The following CEP164 variants were observed in gnomAD, a reference collection of about 807,000 sequenced individuals.
The protein encoded by CEP164 is centrosomal protein 164, also known as centrosomal protein of 164 kDa.
A neutral mutation model predicts 182.7 loss-of-function variants in CEP164; 162 were observed. The observed-to-expected ratio is 0.89, with a 90% confidence interval of 0.78 to 1.01. The LOEUF (loss-of-function observed/expected upper bound fraction) is 1.01. Ranked by LOEUF, CEP164 falls within the 50% of genes least tolerant of loss-of-function variation. The pLI is 0.00. For missense variants in CEP164, 1,735 were observed against 1,790.4 expected, an observed-to-expected ratio of 0.97 and a Z score of 0.56; for synonymous variants, 661 against 690.0, an observed-to-expected ratio of 0.96 and a Z score of 0.66.
intron 10 of CEP164, among the ~76,000 whole-genome samples, chr11:117,375,335 G>A (rs1373912870): frequency 6.6e-6 from 1 of 152,198 alleles, no homozygotes; most frequent in Non-Finnish European, 1.5e-5. Flanking sequence ...CGAGTTATAT[G>A]TGCTCTCCAA....
At chr11:117,327,209 C>T (rs1591905162), upstream of CEP164, among the ~76,000 whole-genome samples, 2 of 152,160 alleles carry the variant, frequency 1.3e-5, no homozygotes, top group Admixed American at 6.6e-5. Context: ...AATAGGAGCA[C>T]AGGAGAGCCA....
intron 8 of CEP164, among the ~76,000 whole-genome samples, chr11:117,369,146 G>A (rs556468475): frequency 6.6e-6 from 1 of 152,342 alleles, no homozygotes; most frequent in Admixed American, 6.5e-5. Flanking sequence ...TTGGCACATA[G>A]AATGTGCTCA....
In CEP164 at chr11:117,409,783, A is replaced by AC; in HGVS notation, c.3917dup (p.Lys1307Ter). On this transcript the variant is annotated frameshift_variant, in exon 30 of 33. Coordinates refer to ENST00000278935, the MANE Select transcript of CEP164 (RefSeq NM_014956.5). LOFTEE classifies it high-confidence loss of function. The surrounding 1 kb of genome is among the most constrained non-coding windows in gnomAD (Gnocchi z 4.4). ...ATGCCAGCCCAGCTCCCTCCCCGGG[A>AC]CCCTAAGAGCACCCCCACCCCCACC... 6.2e-7 allele frequency: 1 copy of AC among 1,609,414 alleles called. No individual in the cohort carries two copies. The highest frequency in any genetic ancestry group is 8.5e-7 in the Non-Finnish European group (1 of 1,178,332).
At chr11:117,336,797 T>G (rs977507988) in intron 2 of CEP164, among the ~76,000 whole-genome samples, 3 of 151,270 alleles carry the variant, frequency 2.0e-5, no homozygotes, top group Non-Finnish European at 4.4e-5. Flanking sequence ...ACTGGAGAGG[T>G]CAGGACTTGT....
chr11:117,371,093 C>G lies in CEP164; in HGVS notation c.779C>G (p.Thr260Arg). The stretch of plus-strand genomic sequence containing the variant: ...GTTGCTCCCTAGGAGTCTCTGAGAA[C>G]AAGCCAGCCAGAGGAGAAGAAGGAT... ...GDFEYEESLR[T>R]SQPEEKKDVS... Residue 260 changes from threonine (T) to arginine (R), a missense_variant, in exon 9 of 33, where the codon ACA becomes AGA. Coordinates refer to ENST00000278935, the MANE Select transcript of CEP164 (RefSeq NM_014956.5). The G allele has an allele frequency of 6.3e-7, 1 of 1,595,410 alleles. No homozygotes were observed. The highest frequency in any genetic ancestry group is 8.6e-7 in the Non-Finnish European group (1 of 1,168,980).
At chr11:117,367,092 G>C (rs1296512575) in intron 8 of CEP164, among the ~76,000 whole-genome samples, 1 of 152,202 alleles carries the variant, frequency 6.6e-6, no homozygotes, top group Non-Finnish European at 1.5e-5. Flanking sequence ...ATTTCCCACA[G>C]AGCCCAGGGC....
chr11:117,407,798 C>T, intron 27 of CEP164, 127 bp from the exon 28 acceptor site: 1 of 618,240 alleles, frequency 1.6e-6, no homozygotes, highest in Non-Finnish European at 2.9e-6. Context: ...AGTCATAGTT[C>T]TCTGTTCCAG....
rs569367999 is a variant in CEP164, at chr11:117,397,320, A to G, written c.3501+7A>G. ...GCGCAAGAACCTGGAGAAGGTCAGG[A>G]GCTTTGGGAAGGGCCTGCCAGCCCT... On this transcript the variant is annotated splice_region_variant and intron_variant, in intron 27 of 32. Coordinates refer to ENST00000278935, the MANE Select transcript of CEP164 (RefSeq NM_014956.5). 19 of 1,608,230 alleles carry G rather than the reference A, an allele frequency of 1.2e-5. No individual in the cohort carries two copies. The South Asian group carries it at 2.1e-4, about 18-fold the overall frequency.
In CEP164 at chr11:117,408,961, C is replaced by T. The variant is rs371592315; in HGVS notation, c.3681C>T (p.Asp1227=). 1.4e-5 allele frequency: 22 copies of T among 1,613,984 alleles called. No homozygotes were observed. Among genetic ancestry groups the T allele is most frequent in the Non-Finnish European group, 1.8e-5 (21 of 1,180,002 alleles). ...TAACCTTCGACCTCAGTGACATGGA[C>T]AGCCTGAGCAGTGAAAGTTCTGAAT... ...KAVTFDLSDM[D]SLSSESSESF... is the part of the protein sequence containing the mutation. Residue 1227 remains aspartate, a synonymous_variant, in exon 29 of 33, where the codon GAC becomes GAT. Coordinates refer to ENST00000278935, the MANE Select transcript of CEP164 (RefSeq NM_014956.5).
intron 8 of CEP164, among the ~76,000 whole-genome samples, chr11:117,368,123 T>C (rs2041843638): frequency 6.6e-6 from 1 of 152,144 alleles, no homozygotes; most frequent in Admixed American, 6.5e-5. Flanking sequence ...GGGAGCTAAT[T>C]TGGTGACAGA....
chr11:117,397,867 A>T (rs983246319), intron 27 of CEP164, among the ~76,000 whole-genome samples: 2 of 152,174 alleles, frequency 1.3e-5, no homozygotes, highest in African/African-American at 4.8e-5. Context: ...GAGCCAAACC[A>T]TATCATTCCA....
chr11:117,399,491 A>G (rs902596235), intron 27 of CEP164, among the ~76,000 whole-genome samples: 7 of 152,332 alleles, frequency 4.6e-5, no homozygotes, highest in African/African-American at 1.7e-4. Context: ...TCCTTTGGGT[A>G]TATACCCAGT....
chr11:117,351,916 G>A lies in CEP164; in HGVS notation c.321G>A (p.Gly107=), dbSNP rs555014995. 4 of 1,613,318 alleles carry A rather than the reference G, an allele frequency of 2.5e-6. No homozygotes were observed. The highest frequency in any genetic ancestry group is 2.2e-5 in the East Asian group (1 of 44,860). Residue 107 remains glycine (G), a synonymous_variant, in exon 5 of 33, where the codon GGG becomes GGA. Coordinates refer to ENST00000278935, the MANE Select transcript of CEP164 (RefSeq NM_014956.5). The part of the protein sequence containing the change: ...IQERAKLSTS[G]AIKKKKKKKE... The stretch of plus-strand genomic sequence containing the variant: ...AGCGGGCAAAGCTGTCAACTTCTGG[G>A]GCCATTAAGAAGAAGAAAAAAAAAA...
intron 4 of CEP164, among the ~76,000 whole-genome samples, chr11:117,345,695 T>C (rs1021692761): frequency 6.6e-6 from 1 of 152,060 alleles, no homozygotes; most frequent in African/African-American, 2.4e-5. Context: ...TCTTGATCTT[T>C]TTTTTTTTGA....
chr11:117,343,878 C>T lies in CEP164; in HGVS notation c.83-288C>T, dbSNP rs921149903. The stretch of plus-strand genomic sequence containing the variant: ...ACTCCTGACCTGATGATCTACCTGC[C>T]TTGGCCTCCCAAAGTGCTGAGATTA... On this transcript the variant is annotated intron_variant, in intron 3 of 32. Coordinates refer to ENST00000278935, the MANE Select transcript of CEP164 (RefSeq NM_014956.5). Among the ~76,000 whole-genome samples, 6 of 152,076 alleles carry T rather than the reference C, an allele frequency of 3.9e-5. No homozygotes were observed. The East Asian group carries it at 1.2e-3, about 29-fold the overall frequency.
intron 8 of CEP164, among the ~76,000 whole-genome samples, chr11:117,363,724 T>A (rs552422073): frequency 1.4e-5 from 2 of 146,658 alleles, no homozygotes; most frequent in African/African-American, 5.0e-5. Flanking sequence ...ACATCAACAC[T>A]CATTATGTTA....
rs1172854458 is a variant in CEP164, at chr11:117,394,138, C to T, written c.2617-212C>T. Reference sequence around the variant, plus strand: ...AAGGGAATCTGTCGTGGTGTCTGACCAGCCTCTGCTTCAGCTCTAGAGGGC... The same window carrying T: ...AAGGGAATCTGTCGTGGTGTCTGACTAGCCTCTGCTTCAGCTCTAGAGGGC... On this transcript the variant is annotated intron_variant, in intron 20 of 32. Transcript: ENST00000278935. The surrounding 1 kb of genome is among the most constrained non-coding windows in gnomAD (Gnocchi z 4.0). Among the ~76,000 whole-genome samples, 1 of 152,252 alleles carries T rather than the reference C, an allele frequency of 6.6e-6. No individual in the cohort carries two copies. Among genetic ancestry groups the T allele is most frequent in the East Asian group, 1.9e-4 (1 of 5,200 alleles).
At chr11:117,350,383 C>A (rs1338373637) in intron 4 of CEP164, among the ~76,000 whole-genome samples, 1 of 151,966 alleles carries the variant, frequency 6.6e-6, no homozygotes, top group Non-Finnish European at 1.5e-5. Flanking sequence ...TTTTTTATTT[C>A]TTGTAGAAAC....
chr11:117,408,764 A>G, intron 28 of CEP164, 126 bp from the exon 29 acceptor site: 1 of 1,254,714 alleles, frequency 8.0e-7, no homozygotes, highest in South Asian at 1.5e-5. Context: ...GCGTAAGAAA[A>G]CCAGCTTAAA....
Sources: gnomAD v4.1 joint callset for allele counts (sites outside exome capture counted in the v4.1 genomes callset) on GRCh38, gnomAD v4.1.1 for gene constraint, Gnocchi (gnomAD v3.1) non-coding constraint, MANE v1.5 for transcripts, NCBI Gene and HGNC (gene_info 2026-07-23, HGNC 2026-07-21) for gene names.